The following RFX8 variants were observed in gnomAD, a reference collection of about 807,000 sequenced individuals.
The protein encoded by RFX8 is regulatory factor X8.
Under a neutral mutation model 54.6 loss-of-function variants are expected in RFX8, and 46 were observed. That is an observed-to-expected ratio of 0.84 (90% CI 0.67 to 1.08). The LOEUF is 1.08. RFX8 is among the 50% of genes least tolerant of loss of function. RFX8 has a pLI of 0.00. For synonymous variants in RFX8, 192 were observed against 209.5 expected (o/e 0.92, Z 0.72); for missense variants, 536 against 562.3 (o/e 0.95, Z 0.47).
chr2:101,404,579 C>T (rs1053605504), intron 10 of RFX8, among the ~76,000 whole-genome samples: 1 of 151,964 alleles, frequency 6.6e-6, no homozygotes, highest in African/African-American at 2.4e-5. Flanking sequence ...TACTGGGCCA[C>T]CACACCTGGC....
At chr2:101,424,201 C>G (rs1009110724) in intron 2 of RFX8, among the ~76,000 whole-genome samples, 1 of 152,170 alleles carries the variant, frequency 6.6e-6, no homozygotes, top group African/African-American at 2.4e-5. Flanking sequence ...ACAATATTGG[C>G]TTTATTCAGA....
chr2:101,421,598 A>C, intron 4 of RFX8, 126 bp downstream of exon 4: 2 of 1,444,718 alleles, frequency 1.4e-6, no homozygotes, highest in South Asian at 3.1e-5. Context: ...TAAGCACTTC[A>C]GTGCAGTGGG....
chr2:101,416,766 G>C (rs562644213), intron 6 of RFX8, among the ~76,000 whole-genome samples: 1 of 152,146 alleles, frequency 6.6e-6, no homozygotes, highest in Non-Finnish European at 1.5e-5. Context: ...GGGACACAAA[G>C]AGGATAGATT....
chr2:101,471,266 A>G (rs1425177133), intron 1 of RFX8, among the ~76,000 whole-genome samples: 1 of 151,930 alleles, frequency 6.6e-6, no homozygotes, highest in African/African-American at 2.4e-5. Flanking sequence ...CCTGGGAGGC[A>G]GAGGTTGCAG....
chr2:101,411,109 C>T (rs1450093725), intron 8 of RFX8, among the ~76,000 whole-genome samples: 7 of 152,352 alleles, frequency 4.6e-5, no homozygotes, highest in East Asian at 3.9e-4. Flanking sequence ...GGCAGACATA[C>T]GTCAAAGCTG....
At chr2:101,425,599 C>T (rs1020634693) in intron 2 of RFX8, among the ~76,000 whole-genome samples, 1 of 148,118 alleles carries the variant, frequency 6.8e-6, no homozygotes, top group African/African-American at 2.5e-5. Flanking sequence ...TTTTATTACA[C>T]AACATAATAA....
intron 2 of RFX8, among the ~76,000 whole-genome samples, chr2:101,465,181 G>A (rs1573488386): frequency 6.6e-6 from 1 of 152,186 alleles, no homozygotes; most frequent in South Asian, 2.1e-4. Context: ...AACCACCTGT[G>A]ATTCAAGAAT....
chr2:101,419,704 C>T (rs926726073), intron 4 of RFX8, among the ~76,000 whole-genome samples: 1 of 152,218 alleles, frequency 6.6e-6, no homozygotes, highest in Non-Finnish European at 1.5e-5. Context: ...CCAGACAAGG[C>T]GCTGGCCCCA....
At chr2:101,414,714 A>G (rs4851434) in intron 7 of RFX8, 140 bp downstream of exon 7, 561,277 of 577,104 alleles carry the variant, frequency 0.97, 273,758 homozygotes, top group Non-Finnish European at 1. Flanking sequence ...TCCTCTGCCA[A>G]TGGCCAGGCA....
At chr2:101,423,354 G>C (rs1686979650) in intron 2 of RFX8, among the ~76,000 whole-genome samples, 1 of 151,964 alleles carries the variant, frequency 6.6e-6, no homozygotes, top group African/African-American at 2.4e-5. Context: ...CTGCCTCCCT[G>C]TGTCACTCAT....
chr2:101,474,035 G>C (rs961725687), intron 1 of RFX8, among the ~76,000 whole-genome samples: 12 of 152,202 alleles, frequency 7.9e-5, no homozygotes, highest in African/African-American at 2.4e-4. Flanking sequence ...GTGCATGGCA[G>C]GTCCCTCCGC....
intron 6 of RFX8, 129 bp from the exon 7 acceptor site, chr2:101,415,041 G>T: frequency 1.5e-6 from 1 of 661,682 alleles, no homozygotes; most frequent in Non-Finnish European, 2.7e-6. Context: ...CCCCACCCCC[G>T]TGTCTGCTGG....
intron 2 of RFX8, among the ~76,000 whole-genome samples, chr2:101,455,857 G>A (rs1402144510): frequency 6.6e-6 from 1 of 152,164 alleles, no homozygotes; most frequent in Admixed American, 6.5e-5. Flanking sequence ...AGCATAGAAC[G>A]TTCTTCCATT....
intron 4 of RFX8, chr2:101,421,164 C>A (rs1686841364): frequency 1.3e-6 from 1 of 752,060 alleles, no homozygotes; most frequent in Non-Finnish European, 1.6e-6. Flanking sequence ...TTAGAATATA[C>A]TAAAGCATCA....
intron 2 of RFX8, among the ~76,000 whole-genome samples, chr2:101,436,046 A>AC (rs1035994316): frequency 2.7e-5 from 4 of 149,866 alleles, no homozygotes; most frequent in Non-Finnish European, 4.4e-5. Context: ...CTCTGTCACG[A>AC]CCCCCCTGCT....
At chr2:101,432,031 T>A (rs552140506) in intron 2 of RFX8, among the ~76,000 whole-genome samples, 24 of 152,204 alleles carry the variant, frequency 1.6e-4, no homozygotes, top group African/African-American at 5.8e-4. Flanking sequence ...TATTTCAACC[T>A]TATGGAGAGA....
At chr2:101,414,565 A>G (rs1394468072) in intron 7 of RFX8, among the ~76,000 whole-genome samples, 1 of 151,538 alleles carries the variant, frequency 6.6e-6, no homozygotes, top group Non-Finnish European at 1.5e-5. Flanking sequence ...CGAGCCCCCC[A>G]CGCCTGGCCA....
chr2:101,433,306 G>A (rs865793796), intron 2 of RFX8, among the ~76,000 whole-genome samples: 1 of 152,094 alleles, frequency 6.6e-6, no homozygotes. Context: ...AATGGTCTGA[G>A]GGTTCCTTCT....
rs1308278842 is a variant in RFX8 at position 101,469,016 on chromosome 2, AGG to A, written c.-52-2118_-52-2117del. Among the ~76,000 whole-genome samples, 49 of 25,754 alleles carry A rather than the reference AGG, an allele frequency of 1.9e-3. 5 individuals carry two copies. The East Asian group carries it at 0.028, about 15-fold the overall frequency. 16.9% of individuals were successfully genotyped at this position (25,754 alleles called of 152,430 possible). A position where few individuals can be genotyped will look rare whatever the true frequency, so the allele number is the denominator to read the frequency against. ...AGTATATATATACGTATATATATAT[AGG>A]TATATATATATACGTATATATATGT... On this transcript the variant is annotated intron_variant, in intron 1 of 11. Transcript: ENST00000428343.
Sources: allele counts gnomAD v4.1 joint callset (sites outside exome capture counted in the v4.1 genomes callset), GRCh38; gene constraint gnomAD v4.1.1; transcripts MANE v1.5; gene names NCBI Gene and HGNC (gene_info 2026-07-23, HGNC 2026-07-21).